ERLIN1: variants seen among roughly 807,000 people sequenced by gnomAD.
ERLIN1 encodes the protein erlin-1.
ERLIN1 carries 24 observed loss-of-function variants against 46.9 expected under a neutral mutation model. That is an observed-to-expected ratio of 0.51 (90% confidence interval 0.37 to 0.72). The LOEUF (loss-of-function observed/expected upper bound fraction) is 0.72. Ranked by LOEUF, ERLIN1 falls within the 30% of genes least tolerant of loss-of-function variation. The probability of loss-of-function intolerance (pLI) is 0.00; values close to 1 mark genes in which losing one functional copy is unlikely to be tolerated. For missense variants in ERLIN1, 293 were observed against 417.9 expected (o/e 0.70, Z 2.61); for synonymous variants, 158 against 143.2 (o/e 1.10, Z -0.74).
At chr10:100,173,776 C>G (rs1426905645) in intron 6 of ERLIN1, among the ~76,000 whole-genome samples, 1 of 152,204 alleles carries the variant, frequency 6.6e-6, no homozygotes, top group East Asian at 1.9e-4. Flanking sequence ...CCAATGTTCT[C>G]TTACTCTTAC....
intron 6 of ERLIN1, among the ~76,000 whole-genome samples, chr10:100,170,522 T>C (rs1843928886): frequency 6.6e-6 from 1 of 152,110 alleles, no homozygotes; most frequent in Non-Finnish European, 1.5e-5. Flanking sequence ...GAAAATGAAG[T>C]AGACAAAGGT....
chr10:100,173,774 C>G (rs1407839065), intron 6 of ERLIN1, among the ~76,000 whole-genome samples: 3 of 152,320 alleles, frequency 2.0e-5, no homozygotes, highest in Admixed American at 2.0e-4. Context: ...TTCCAATGTT[C>G]TCTTACTCTT....
intron 6 of ERLIN1, 106 bp downstream of exon 6, chr10:100,174,102 C>G: frequency 1.4e-6 from 1 of 712,580 alleles, no homozygotes; most frequent in Non-Finnish European, 2.4e-6. Context: ...TTCTATAAAT[C>G]ACCATAGCAT....
At position 100,152,201 on chromosome 10, in the gene ERLIN1, G is replaced by A; in HGVS notation, c.977C>T (p.Ser326Leu). 6.2e-7 allele frequency: 1 copy of A among 1,613,552 alleles called. No homozygotes were observed. The highest frequency in any genetic ancestry group is 8.5e-7 in the Non-Finnish European group (1 of 1,179,446). The change falls in exon 11 of 11, where the codon TCA becomes TTA. Residue 326 changes from serine to leucine, a missense_variant. Physicochemically the swap from Ser to Leu is moderately radical, Grantham distance 145. Transcript: ENST00000421367. ...YSDIRTGRES[S>L]LPSKEALEPS... The stretch of plus-strand genomic sequence containing the variant: ...TTCAAGAGCCTCCTTAGAGGGGAGT[G>A]AGCTTTCTCTTCCAGTCCTAATATC...
rs1711075511 is a variant in ERLIN1 at position 100,151,742 on chromosome 10, T to A, written c.*389A>T. 3.2e-6 allele frequency: 1 copy of A among 315,860 alleles called. No individual in the cohort carries two copies. Among genetic ancestry groups the A allele is most frequent in the African/African-American group, 2.2e-5 (1 of 46,428 alleles). The allele number at this position is 315,860 out of a possible 1,614,324, so 19.6% of individuals were successfully genotyped here. On this transcript the variant is annotated 3_prime_UTR_variant, in exon 11 of 11. Transcript: ENST00000421367. ...TTACCATCTCCTTCTCAGTCATCTC[T>A]TGAATGGTGGCTGAGCATACATTTC...
intron 8 of ERLIN1, among the ~76,000 whole-genome samples, chr10:100,157,335 T>C (rs1589515253): frequency 6.6e-6 from 1 of 152,146 alleles, no homozygotes; most frequent in Admixed American, 6.5e-5. Flanking sequence ...GGAGTGAACA[T>C]GTTGGTGTGG....
chr10:100,181,670 A>G (rs890739250), intron 2 of ERLIN1, among the ~76,000 whole-genome samples: 5 of 151,898 alleles, frequency 3.3e-5, no homozygotes, highest in Non-Finnish European at 7.4e-5. Context: ...ACGCACAACC[A>G]CGCCCAGCTA....
At chr10:100,167,097 T>G (rs1241084143) in intron 7 of ERLIN1, among the ~76,000 whole-genome samples, 1 of 152,214 alleles carries the variant, frequency 6.6e-6, no homozygotes, top group African/African-American at 2.4e-5. Flanking sequence ...CTTCCAGCAA[T>G]AGTTTTACAG....
At chr10:100,172,440 G>GT (rs1844058067) in intron 6 of ERLIN1, among the ~76,000 whole-genome samples, 3 of 151,674 alleles carry the variant, frequency 2.0e-5, no homozygotes, top group Non-Finnish European at 4.4e-5. Flanking sequence ...CATAAATAAC[G>GT]TGTGTGTATA....
chr10:100,151,784 A>G lies in ERLIN1; in HGVS notation c.*347T>C. On this transcript the variant is annotated 3_prime_UTR_variant, in exon 11 of 11. Transcript: ENST00000421367. The stretch of plus-strand genomic sequence containing the variant: ...ATACATTTCCCCGGGGGACGAATGT[A>G]AACATTATTCAACAGATCTCAGCTT... The G allele has an allele frequency of 2.9e-6, 1 of 343,000 alleles. No homozygotes were observed. Among genetic ancestry groups the G allele is most frequent in the Admixed American group, 4.1e-5 (1 of 24,668 alleles). 21.2% of individuals were successfully genotyped at this position (343,000 alleles called of 1,614,324 possible). A position where few individuals can be genotyped will look rare whatever the true frequency, so the allele number is the denominator to read the frequency against.
rs3802528 is a variant in ERLIN1 at position 100,151,918 on chromosome 10, T to C, written c.*213A>G. 0.026 allele frequency: 15,455 copies of C among 604,882 alleles called. 294 individuals carry two copies. Among genetic ancestry groups the C allele is most frequent in the Middle Eastern group, 0.051 (157 of 3,064 alleles). The allele number at this position is 604,882 out of a possible 1,614,324, so 37.5% of individuals were successfully genotyped here. On this transcript the variant is annotated 3_prime_UTR_variant, in exon 11 of 11. Transcript: ENST00000421367. ...GTAGCAGTTTAGAAAGGAATACATATAGGATACTTGATAAGACTGTGGCTG... is the reference window on the plus strand; with the variant it reads ...GTAGCAGTTTAGAAAGGAATACATACAGGATACTTGATAAGACTGTGGCTG...
At chr10:100,175,573 G>A (rs1340798223) in intron 5 of ERLIN1, among the ~76,000 whole-genome samples, 1 of 152,168 alleles carries the variant, frequency 6.6e-6, no homozygotes, top group African/African-American at 2.4e-5. Context: ...CCCTTTGGCT[G>A]TAATAAATCT....
At chr10:100,175,280 G>A (rs1402983627) in intron 5 of ERLIN1, among the ~76,000 whole-genome samples, 4 of 152,216 alleles carry the variant, frequency 2.6e-5, no homozygotes, top group Non-Finnish European at 5.9e-5. Flanking sequence ...CAATTGACTT[G>A]CTGTGAACTG....
At chr10:100,170,403 TACC>T (rs1843922069) in intron 6 of ERLIN1, among the ~76,000 whole-genome samples, 1 of 152,240 alleles carries the variant, frequency 6.6e-6, no homozygotes, top group South Asian at 2.1e-4. Flanking sequence ...TGGAGATCTC[TACC>T]ACTTTAAGAA....
chr10:100,170,304 A>C (rs1843916086), intron 6 of ERLIN1, among the ~76,000 whole-genome samples: 1 of 152,208 alleles, frequency 6.6e-6, no homozygotes, highest in Admixed American at 6.5e-5. Context: ...AAAGCAACCA[A>C]AGCAAAGGAG....
chr10:100,165,433 C>T (rs370536074), intron 7 of ERLIN1, among the ~76,000 whole-genome samples: 3 of 146,216 alleles, frequency 2.1e-5, no homozygotes, highest in African/African-American at 5.2e-5. Flanking sequence ...GTCACCCAGG[C>T]TGGAGTGCAG....
At chr10:100,161,724 G>A (rs1843373093) in intron 8 of ERLIN1, among the ~76,000 whole-genome samples, 1 of 152,056 alleles carries the variant, frequency 6.6e-6, no homozygotes, top group African/African-American at 2.4e-5. Context: ...ATTGAGGAAG[G>A]AGAGACCAAA....
intron 9 of ERLIN1, among the ~76,000 whole-genome samples, chr10:100,155,851 T>C (rs1843056172): frequency 6.6e-6 from 1 of 152,200 alleles, no homozygotes; most frequent in African/African-American, 2.4e-5. Flanking sequence ...TCTTTACTAT[T>C]GATTATGGGT....
chr10:100,157,869 C>T (rs879340500), intron 8 of ERLIN1, among the ~76,000 whole-genome samples: 13 of 152,170 alleles, frequency 8.5e-5, no homozygotes, highest in Non-Finnish European at 1.5e-4. Context: ...AAAGCACGAC[C>T]AGACTTCTAG....
Sources: gnomAD v4.1 joint callset for allele counts (sites outside exome capture counted in the v4.1 genomes callset) on GRCh38, gnomAD v4.1.1 for gene constraint, MANE v1.5 for transcripts, NCBI Gene and HGNC (gene_info 2026-07-23, HGNC 2026-07-21) for gene names.